The following L1TD1 variants were observed in gnomAD, a reference collection of about 807,000 sequenced individuals.
The protein encoded by L1TD1 is LINE-1 type transposase domain-containing protein 1.
Under a neutral mutation model 25.7 loss-of-function variants are expected in L1TD1, and 26 were observed. The ratio of observed to expected loss-of-function variants is 1.01; its 90% CI spans 0.74 to 1.40. The LOEUF is 1.40. L1TD1 is among the 40% of genes most tolerant of loss of function. The pLI is 0.00. For missense variants in L1TD1, 1,130 were observed against 975.0 expected (o/e 1.16, Z -2.12); for synonymous variants, 421 against 335.6 (o/e 1.25, Z -2.78).
Position 62,204,793 on chromosome 1 carries a change from G to A in L1TD1, c.-110-1726G>A, listed in dbSNP as rs141071481. Among the ~76,000 whole-genome samples the A allele has an allele frequency of 2.0e-3, 303 of 152,132 alleles. 3 individuals carry two copies. The highest frequency in any genetic ancestry group is 4.2e-3 in the Admixed American group (64 of 15,272). ...ATGTGATTCTTATTTTGCAGGGGAG[G>A]GGACAGGGTCTCACACTGTCACCCA... On this transcript the variant is annotated intron_variant, in intron 2 of 3. Transcript: ENST00000498273.
Position 62,201,667 on chromosome 1 carries a change from C to G in L1TD1, c.-110-4852C>G, listed in dbSNP as rs149222104. Among the ~76,000 whole-genome samples the G allele has an allele frequency of 7.2e-4, 110 of 152,188 alleles. 1 individual carries two copies. Among genetic ancestry groups the G allele is most frequent in the African/African-American group, 2.6e-3 (109 of 41,552 alleles). ...CATCATGCCATTTCACCTGTAAAAA[C>G]TTCAGTATGTAGCTCTTATAAAATA... On this transcript the variant is annotated intron_variant, in intron 2 of 3. Transcript: ENST00000498273.
chr1:62,205,715 G>A lies in L1TD1; in HGVS notation c.-110-804G>A, dbSNP rs183233908. Among the ~76,000 whole-genome samples, 10 of 151,856 alleles carry A rather than the reference G, an allele frequency of 6.6e-5. No homozygotes were observed. In the East Asian group the frequency reaches 1.9e-3, roughly 29 times the overall value. ...CAAAGTGCTGGGATTACAGGCGTGA[G>A]CCACTGTGCCTGCCTAACAATATTA... On this transcript the variant is annotated intron_variant, in intron 2 of 3. Transcript: ENST00000498273.
chr1:62,195,199 C>T (rs1253270323), intron 1 of L1TD1, among the ~76,000 whole-genome samples: 3 of 151,310 alleles, frequency 2.0e-5, no homozygotes, highest in Non-Finnish European at 1.5e-5. Flanking sequence ...CGGGGTGCCC[C>T]GGGTAAGGCT....
rs900192306 is a variant in L1TD1 at position 62,210,730 on chromosome 1, G to A, written c.1956G>A (p.Leu652=). The A allele has an allele frequency of 6.4e-7, 1 of 1,551,578 alleles. No individual in the cohort carries two copies. Among genetic ancestry groups the A allele is most frequent in the Non-Finnish European group, 8.7e-7 (1 of 1,147,006 alleles). ...AAATTGAAAATTCAGTAGATGATCT[G>A]AGTAGCAGAATGGACATACTTGAAG... is the stretch of plus-strand genomic sequence containing the variant. ...VLEIENSVDD[L]SSRMDILEER... Residue 652 remains leucine (L), a synonymous_variant, in exon 4 of 4, where the codon CTG becomes CTA. Transcript: ENST00000498273.
At chr1:62,200,590 T>C (rs1356579128) in intron 2 of L1TD1, among the ~76,000 whole-genome samples, 1 of 152,144 alleles carries the variant, frequency 6.6e-6, no homozygotes, top group African/African-American at 2.4e-5. Flanking sequence ...ACCCTTCTCT[T>C]ATTAAAGGAC....
chr1:62,197,433 A>ATATATATAT (rs1174042182), intron 2 of L1TD1, among the ~76,000 whole-genome samples: 8 of 138,368 alleles, frequency 5.8e-5, no homozygotes, highest in Non-Finnish European at 9.4e-5. Flanking sequence ...ATATATATAT[A>ATATATATAT]GTTTAGTCCT....
At chr1:62,200,769 A>G (rs191524988) in intron 2 of L1TD1, among the ~76,000 whole-genome samples, 19 of 152,208 alleles carry the variant, frequency 1.2e-4, no homozygotes, top group Non-Finnish European at 2.4e-4. Context: ...AATGTTTAAT[A>G]ACTATTCCTA....
intron 3 of L1TD1, chr1:62,208,481 CTT>C (rs60188410): frequency 0.17 from 22,135 of 126,746 alleles, 1,777 homozygotes; most frequent in Middle Eastern, 0.21. Context: ...CTGGAAGGGG[CTT>C]TTTTTTTTTT....
chr1:62,205,373 T>TTCTCTCTCCCTC lies in L1TD1; in HGVS notation c.-110-1138_-110-1137insCCTCTCTCTCTC, dbSNP rs1440066628. ...AAAATAAAACCAACGAAAACTCTCT[T>TTCTCTCTCCCTC]TCTCTCTCTCTCTCTTTCTCTCTCT... is the stretch of plus-strand genomic sequence containing the variant. On this transcript the variant is annotated intron_variant, in intron 2 of 3. Coordinates refer to ENST00000498273, the MANE Select transcript of L1TD1 (RefSeq NM_019079.5). Among the ~76,000 whole-genome samples, 463 of 90,036 alleles carry TTCTCTCTCCCTC rather than the reference T, an allele frequency of 5.1e-3. 34 individuals carry two copies. The highest frequency in any genetic ancestry group is 0.018 in the Middle Eastern group (3 of 168). The allele number at this position is 90,036 out of a possible 152,430, so 59.1% of individuals were successfully genotyped here.
In L1TD1 at chr1:62,210,207, CAGA is replaced by C. The variant is rs759484929; in HGVS notation, c.1434_1436del (p.Glu483del). The C allele has an allele frequency of 5.0e-6, 8 of 1,613,892 alleles. No individual in the cohort carries two copies. Among genetic ancestry groups the C allele is most frequent in the African/African-American group, 1.3e-5 (1 of 74,988 alleles). On this transcript the variant is annotated inframe_deletion, in exon 4 of 4. Transcript: ENST00000498273. ...ATTGACTCTGTAGAGGATTCTGAAT[CAGA>C]GGAGGAAGAAGAAGGAAAGAGCTCT...
chr1:62,203,053 C>G (rs1670672755), intron 2 of L1TD1, among the ~76,000 whole-genome samples: 1 of 152,002 alleles, frequency 6.6e-6, no homozygotes, highest in Non-Finnish European at 1.5e-5. Flanking sequence ...AACTCCTGGG[C>G]TCAAGCAATC....
rs1028049934 is a variant in L1TD1, at chr1:62,196,450, T to C, written c.-189T>C. 6.6e-6 allele frequency: 1 copy of C among 152,208 alleles called. No homozygotes were observed. Among genetic ancestry groups the C allele is most frequent in the Non-Finnish European group, 1.5e-5 (1 of 68,050 alleles). The allele number at this position is 152,208 out of a possible 1,614,324, so 9.4% of individuals were successfully genotyped here. A position where few individuals can be genotyped will look rare whatever the true frequency, so the allele number is the denominator to read the frequency against. ...TGAATTCTAGGCACCAAGGCACAGCTTAGAGTAGACCCGAGTCCTGCTCTG... is the reference window on the plus strand; with the variant it reads ...TGAATTCTAGGCACCAAGGCACAGCCTAGAGTAGACCCGAGTCCTGCTCTG... On this transcript the variant is annotated 5_prime_UTR_variant, in exon 2 of 4. Transcript: ENST00000498273.
chr1:62,208,724 A>G (rs1474485618), intron 3 of L1TD1, among the ~76,000 whole-genome samples: 1 of 152,042 alleles, frequency 6.6e-6, no homozygotes, highest in Non-Finnish European at 1.5e-5. Context: ...AGCAGTCTAC[A>G]TGCCTTGGCC....
chr1:62,199,118 T>C (rs753547872), intron 2 of L1TD1, among the ~76,000 whole-genome samples: 3 of 152,202 alleles, frequency 2.0e-5, no homozygotes, highest in Admixed American at 6.6e-5. Flanking sequence ...GGGTAGTGTC[T>C]GGCTAGAATT....
Position 62,207,539 on chromosome 1 carries a change from G to A in L1TD1, c.911G>A (p.Ser304Asn). 1 of 1,551,154 alleles carries A rather than the reference G, an allele frequency of 6.4e-7. No individual in the cohort carries two copies. ...SDLQSLRKFA[S>N]QKSSVKELLK... ...CTGCAAAGCCTTAGAAAATTTGCCA[G>A]CCAAAAATCTTCTGTGAAAGAATTA... Residue 304 changes from serine to asparagine, a missense_variant, in exon 3 of 4, where the codon AGC becomes AAC. Ser to Asn is a conservative substitution (Grantham distance 46). Transcript: ENST00000498273.
At chr1:62,199,761 A>G (rs149534775) in intron 2 of L1TD1, among the ~76,000 whole-genome samples, 1 of 152,098 alleles carries the variant, frequency 6.6e-6, no homozygotes, top group Non-Finnish European at 1.5e-5. Flanking sequence ...ACATTACCCA[A>G]AAAAGGTAGT....
chr1:62,205,405 CTCTCTCTCTCTCTA>C (rs1478526094), intron 2 of L1TD1, among the ~76,000 whole-genome samples: 1 of 37,820 alleles, frequency 2.6e-5, no homozygotes, highest in Non-Finnish European at 4.7e-5. Context: ...CTCTCTCTCT[CTCTCTCTCTCTCTA>C]TATATATATA....
chr1:62,197,807 C>CG (rs1670572027), intron 2 of L1TD1, among the ~76,000 whole-genome samples: 1 of 151,860 alleles, frequency 6.6e-6, no homozygotes, highest in Admixed American at 6.6e-5. Flanking sequence ...ACCTGGGAAG[C>CG]GGGGGTTGCA....
Position 62,211,387 on chromosome 1 carries a change from T to C in L1TD1, c.*15T>C. On this transcript the variant is annotated 3_prime_UTR_variant, in exon 4 of 4. Coordinates refer to ENST00000498273, the MANE Select transcript of L1TD1 (RefSeq NM_019079.5). ...ATATACCTTAGCACGCCAGGGTGAC[T>C]ACAAACAATATGCTTTCCTCCCCCA... The C allele has an allele frequency of 5.8e-6, 9 of 1,552,100 alleles. No homozygotes were observed. The highest frequency in any genetic ancestry group is 6.9e-6 in the Non-Finnish European group (8 of 1,153,134).
Sources: allele counts gnomAD v4.1 joint callset (sites outside exome capture counted in the v4.1 genomes callset), GRCh38; gene constraint gnomAD v4.1.1; transcripts MANE v1.5; gene names NCBI Gene and HGNC (gene_info 2026-07-23, HGNC 2026-07-21).